Variants in SGCZ observed in about 807,000 individuals in gnomAD.
SGCZ encodes the protein zeta-sarcoglycan.
SGCZ carries 40 observed loss-of-function variants against 41.3 expected under a neutral mutation model. The ratio of observed to expected loss-of-function variants is 0.97; its 90% CI spans 0.75 to 1.26. SGCZ has a LOEUF of 1.26. Ranked by LOEUF, SGCZ falls within the 50% of genes most tolerant of loss-of-function variation. SGCZ has a pLI of 0.00. For synonymous variants in SGCZ, 206 were observed against 137.5 expected (o/e 1.50, Z -3.49); for missense variants, 552 against 369.8 (o/e 1.49, Z -4.04).
At chr8:14,396,888 C>A (rs1340355221) in intron 2 of SGCZ, among the ~76,000 whole-genome samples, 1 of 151,950 alleles carries the variant, frequency 6.6e-6, no homozygotes. Flanking sequence ...AGACAGAGGA[C>A]CAGATTGGCT....
At chr8:14,526,457 T>C (rs570444772) in intron 2 of SGCZ, among the ~76,000 whole-genome samples, 13 of 152,244 alleles carry the variant, frequency 8.5e-5, no homozygotes, top group Non-Finnish European at 1.3e-4. Context: ...ATTATAAACA[T>C]ACCTTTTAAA....
intron 1 of SGCZ, among the ~76,000 whole-genome samples, chr8:15,107,323 C>T (rs1258344120): frequency 1.3e-5 from 2 of 152,024 alleles, no homozygotes; most frequent in African/African-American, 2.4e-5. Flanking sequence ...CAATATAATC[C>T]CCAATGTGAT....
chr8:14,613,456 G>T (rs1281902490), intron 1 of SGCZ, among the ~76,000 whole-genome samples: 1 of 152,104 alleles, frequency 6.6e-6, no homozygotes, highest in Non-Finnish European at 1.5e-5. Flanking sequence ...TTGGGACCAT[G>T]AAATTCAGGT....
intron 7 of SGCZ, among the ~76,000 whole-genome samples, chr8:14,096,707 G>T (rs1203589850): frequency 6.6e-6 from 1 of 152,132 alleles, no homozygotes; most frequent in Non-Finnish European, 1.5e-5. Context: ...ACCTCTGGTA[G>T]AATTCAGCTT....
intron 4 of SGCZ, among the ~76,000 whole-genome samples, chr8:14,205,914 C>T (rs760253154): frequency 1.3e-5 from 2 of 151,992 alleles, no homozygotes; most frequent in Non-Finnish European, 2.9e-5. Context: ...AATCATAGGG[C>T]ATTTTTCTCT....
chr8:14,436,471 A>G (rs1375786305), intron 2 of SGCZ, among the ~76,000 whole-genome samples: 1 of 152,330 alleles, frequency 6.6e-6, no homozygotes, highest in East Asian at 1.9e-4. Flanking sequence ...TACACTTTTA[A>G]GACACTTTTA....
chr8:14,318,569 A>G (rs185356963), intron 3 of SGCZ, among the ~76,000 whole-genome samples: 1 of 151,960 alleles, frequency 6.6e-6, no homozygotes, highest in African/African-American at 2.4e-5. Flanking sequence ...AGAGTGCTAG[A>G]AAAAGCTCAT....
chr8:14,257,749 T>C lies in SGCZ; in HGVS notation c.337-20070A>G, dbSNP rs999778694. 7.2e-5 allele frequency among the ~76,000 whole-genome samples: 11 copies of C among 152,144 alleles called. 1 individual carries two copies. The Middle Eastern group carries it at 0.02, about 282-fold the overall frequency. On this transcript the variant is annotated intron_variant, in intron 3 of 7. Transcript: ENST00000382080. ...CATGTGGTGTTTGGTTTTTTGTCCT[T>C]GCGATAGTTTGCTGAGAATTTTGCA...
chr8:14,154,950 G>A (rs1803831747), intron 5 of SGCZ, among the ~76,000 whole-genome samples: 3 of 152,208 alleles, frequency 2.0e-5, no homozygotes, highest in African/African-American at 7.2e-5. Flanking sequence ...CTGTCGCCCA[G>A]TGGAGCAGGT....
intron 1 of SGCZ, among the ~76,000 whole-genome samples, chr8:15,087,267 G>A (rs185005496): frequency 2.0e-4 from 31 of 152,148 alleles, no homozygotes; most frequent in Admixed American, 1.6e-3. Flanking sequence ...AGTAGATTTT[G>A]CATTAAGAGG....
intron 4 of SGCZ, among the ~76,000 whole-genome samples, chr8:14,177,498 TTTTGTTTG>T (rs146427241): frequency 0.35 from 52,370 of 150,946 alleles, 11,713 homozygotes; most frequent in Non-Finnish European, 0.51. Flanking sequence ...CTGTTTCCTT[TTTTGTTTG>T]TTTGTTTGTT....
At chr8:14,514,020 T>C (rs1802539807) in intron 2 of SGCZ, among the ~76,000 whole-genome samples, 1 of 152,112 alleles carries the variant, frequency 6.6e-6, no homozygotes, top group African/African-American at 2.4e-5. Flanking sequence ...AGCTTAAATA[T>C]TTTGGACTTT....
intron 1 of SGCZ, among the ~76,000 whole-genome samples, chr8:14,760,121 G>A (rs945950478): frequency 5.3e-5 from 8 of 152,084 alleles, no homozygotes; most frequent in African/African-American, 1.7e-4. Context: ...CCACAGTTAT[G>A]CGTTTCAACA....
chr8:14,825,529 A>G (rs1168321202), intron 1 of SGCZ, among the ~76,000 whole-genome samples: 2 of 152,216 alleles, frequency 1.3e-5, no homozygotes, highest in Non-Finnish European at 1.5e-5. Flanking sequence ...AATTTTTGGT[A>G]AATAAATATT....
chr8:14,786,172 G>A (rs1010202238), intron 1 of SGCZ, among the ~76,000 whole-genome samples: 1 of 152,020 alleles, frequency 6.6e-6, no homozygotes, highest in Admixed American at 6.6e-5. Flanking sequence ...GAAAACATTA[G>A]TTCTCGTTTT....
At chr8:14,137,640 A>C (rs1410304315) in intron 5 of SGCZ, among the ~76,000 whole-genome samples, 1 of 152,204 alleles carries the variant, frequency 6.6e-6, no homozygotes, top group African/African-American at 2.4e-5. Context: ...AAAAAGAGTA[A>C]AAAGAAATGA....
intron 1 of SGCZ, among the ~76,000 whole-genome samples, chr8:15,196,300 T>C (rs540522230): frequency 1.3e-5 from 2 of 152,182 alleles, no homozygotes; most frequent in African/African-American, 4.8e-5. Context: ...AATCCAAAAT[T>C]TGTTTTGCTC....
At chr8:14,923,385 G>A (rs961970302) in intron 1 of SGCZ, among the ~76,000 whole-genome samples, 1 of 152,190 alleles carries the variant, frequency 6.6e-6, no homozygotes, top group East Asian at 1.9e-4. Context: ...AATAAGAAAT[G>A]AGCCTCTCTG....
intron 1 of SGCZ, among the ~76,000 whole-genome samples, chr8:14,647,685 C>G (rs1282440945): frequency 1.3e-5 from 2 of 151,850 alleles, no homozygotes; most frequent in African/African-American, 4.8e-5. Flanking sequence ...TATAAATAAT[C>G]TACATTTTAA....
Sources: gnomAD v4.1 joint callset for allele counts (sites outside exome capture counted in the v4.1 genomes callset) on GRCh38, gnomAD v4.1.1 for gene constraint, MANE v1.5 for transcripts, NCBI Gene and HGNC (gene_info 2026-07-23, HGNC 2026-07-21) for gene names.